The following USB1 variants were observed in gnomAD, a reference collection of about 807,000 sequenced individuals.
The protein encoded by USB1 is U6 snRNA biogenesis phosphodiesterase 1.
Under a neutral mutation model 29.9 loss-of-function variants are expected in USB1, and 21 were observed. That is an observed-to-expected ratio of 0.70 (90% CI 0.50 to 1.01). The LOEUF is 1.01. USB1 is among the 50% of genes least tolerant of loss of function. USB1 has a pLI of 0.00. For synonymous variants in USB1, 143 were observed against 134.9 expected, an observed-to-expected ratio of 1.06 and a Z score of -0.42; for missense variants, 330 against 347.1, an observed-to-expected ratio of 0.95 and a Z score of 0.39.
chr16:58,010,290 G>C (rs997970072), intron 3 of USB1, 178 bp downstream of exon 3: 2 of 708,836 alleles, frequency 2.8e-6, no homozygotes, highest in Non-Finnish European at 2.4e-6. Context: ...TGCCGTGGAA[G>C]CTCTTGACAC....
chr16:58,012,176 G>C lies in USB1; in HGVS notation c.449+2064G>C, dbSNP rs1963511458. On this transcript the variant is annotated intron_variant, in intron 3 of 6. Coordinates refer to ENST00000219281, the MANE Select transcript of USB1 (RefSeq NM_024598.4). ...GCTGAACCCCTTCTGAGGGCCAGAGGAGGACAGGATTTGTCCCAATCCAGA... is the reference window on the plus strand; with the variant it reads ...GCTGAACCCCTTCTGAGGGCCAGAGCAGGACAGGATTTGTCCCAATCCAGA... 2.8e-6 allele frequency: 4 copies of C among 1,452,794 alleles called. No individual in the cohort carries two copies. The East Asian group carries it at 1.0e-4, about 36-fold the overall frequency. The allele number at this position is 1,452,794 out of a possible 1,614,324, so 90.0% of individuals were successfully genotyped here.
chr16:58,012,170 C>T (rs1020398110), intron 3 of USB1: 1 of 1,446,782 alleles, frequency 6.9e-7, no homozygotes, highest in African/African-American at 1.4e-5. Context: ...CTTCTGAGGG[C>T]CAGAGGAGGA....
chr16:58,005,453 C>T (rs1231390280), intron 2 of USB1, among the ~76,000 whole-genome samples: 3 of 152,212 alleles, frequency 2.0e-5, no homozygotes, highest in South Asian at 4.1e-4. Context: ...TGGCCCTGTC[C>T]GGGCATGACA....
chr16:58,012,040 A>AAAACAGAAAT lies in USB1; in HGVS notation c.449+1935_449+1944dup, dbSNP rs797007846. On this transcript the variant is annotated intron_variant, in intron 3 of 6. Transcript: ENST00000219281. Reference sequence around the variant, plus strand: ...ACAAAAGCCTGATGTGTGGCTGTGTAAAACAGAAATAAACAGTCTTCTAGC... The same window carrying AAAACAGAAAT: ...ACAAAAGCCTGATGTGTGGCTGTGTAAAACAGAAATAAACAGAAATAAACAGTCTTCTAGC... The AAAACAGAAAT allele has an allele frequency of 2.3e-5, 29 of 1,244,496 alleles. No individual in the cohort carries two copies. In the African/African-American group the frequency reaches 3.5e-4, roughly 15 times the overall value. The allele number at this position is 1,244,496 out of a possible 1,614,324, so 77.1% of individuals were successfully genotyped here. A position where few individuals can be genotyped will look rare whatever the true frequency, so the allele number is the denominator to read the frequency against.
upstream of USB1, among the ~76,000 whole-genome samples, chr16:58,001,084 G>A (rs1380565827): frequency 6.6e-6 from 1 of 152,174 alleles, no homozygotes; most frequent in African/African-American, 2.4e-5. Flanking sequence ...CTCTGATCCT[G>A]GCCGGGCTCG....
At position 58,013,853 on chromosome 16, in the gene USB1, A is replaced by T. The variant is rs1963552698; in HGVS notation, c.450-420A>T. On this transcript the variant is annotated intron_variant, in intron 3 of 6. Transcript: ENST00000219281. This position sits in a 1 kb window ranked among gnomAD's most constrained non-coding sequence, Gnocchi z 4.3. The stretch of plus-strand genomic sequence containing the variant: ...AAAGGCTTGAGCTCAGCCCTGACAC[A>T]CGAAGAAATGTTGTCGTGATTGCTT... The T allele has an allele frequency of 4.5e-6, 1 of 220,376 alleles. No individual in the cohort carries two copies. The highest frequency in any genetic ancestry group is 5.3e-5 in the Admixed American group (1 of 19,012). 13.7% of individuals were successfully genotyped at this position (220,376 alleles called of 1,614,324 possible).
chr16:58,010,428 C>T (rs921192211), intron 3 of USB1, among the ~76,000 whole-genome samples: 2 of 152,204 alleles, frequency 1.3e-5, no homozygotes, highest in Admixed American at 6.5e-5. Flanking sequence ...ATCCAACTCT[C>T]CAGACACCCA....
upstream of USB1, among the ~76,000 whole-genome samples, chr16:58,000,092 A>G (rs1963128414): frequency 6.6e-6 from 1 of 151,988 alleles, no homozygotes; most frequent in African/African-American, 2.4e-5. The surrounding 1 kb of genome is among the most constrained non-coding windows in gnomAD (Gnocchi z 4.5). Context: ...ATGAAAGCCG[A>G]TCACCTCCCG....
Position 58,013,586 on chromosome 16 carries a change from G to A in USB1, c.450-687G>A, listed in dbSNP as rs575177441. Reference sequence around the variant, plus strand: ...TACCTAGCTGAGCCTGACTCTTCCCGTGTTATTGATCTGAGGGGTGGGTGG... The same window carrying A: ...TACCTAGCTGAGCCTGACTCTTCCCATGTTATTGATCTGAGGGGTGGGTGG... On this transcript the variant is annotated intron_variant, in intron 3 of 6. Coordinates refer to ENST00000219281, the MANE Select transcript of USB1 (RefSeq NM_024598.4). This position sits in a 1 kb window ranked among gnomAD's most constrained non-coding sequence, Gnocchi z 4.3. The A allele has an allele frequency of 3.0e-5, 25 of 840,204 alleles. No individual in the cohort carries two copies. In the East Asian group the frequency reaches 1.2e-3, roughly 39 times the overall value. The allele number at this position is 840,204 out of a possible 1,614,324, so 52.0% of individuals were successfully genotyped here.
At position 58,002,428 on chromosome 16, in the gene USB1, A is replaced by G. The variant is rs562589210; in HGVS notation, c.99-51A>G. The G allele has an allele frequency of 2.5e-5, 40 of 1,609,804 alleles. No homozygotes were observed. The East Asian group carries it at 8.2e-4, about 33-fold the overall frequency. On this transcript the variant is annotated intron_variant, in intron 1 of 6. Coordinates refer to ENST00000219281, the MANE Select transcript of USB1 (RefSeq NM_024598.4). The stretch of plus-strand genomic sequence containing the variant: ...CAACTTTTGTGGTATATACAAAGGT[A>G]GAGAATGCTAACAGGATAAATGTAC...
At chr16:58,018,860 G>A in intron 5 of USB1, 112 bp from the exon 6 acceptor site, 3 of 1,042,458 alleles carry the variant, frequency 2.9e-6, no homozygotes, top group South Asian at 2.7e-5. Context: ...CTCCCACTGG[G>A]CAGGCCAGGG....
At position 58,020,180 on chromosome 16, in the gene USB1, C is replaced by T. The variant is rs182418203; in HGVS notation, c.733C>T (p.Arg245Cys). Residue 245 changes from arginine to cysteine, a missense_variant, in exon 7 of 7, where the codon CGC becomes TGC. By Grantham distance (180) the Arg-to-Cys change is radical (BLOSUM62 -3). Coordinates refer to ENST00000219281, the MANE Select transcript of USB1 (RefSeq NM_024598.4). ...GTTTGAAGATGCTGAGGTGCTGCTG[C>T]GCGTGCACACTGAGCAAGTCCGCTG... ...DGFEDAEVLL[R>C]VHTEQVRCKS... 5.6e-6 allele frequency: 9 copies of T among 1,614,144 alleles called. No individual in the cohort carries two copies. The highest frequency in any genetic ancestry group is 2.2e-5 in the South Asian group (2 of 91,082).
rs899597775 is a variant in USB1, at chr16:58,017,187, C to G, written c.504-147C>G. On this transcript the variant is annotated intron_variant, in intron 4 of 6. Transcript: ENST00000219281. ...AATCTGAGGACTGAGAGAGTTGGCTCATGGAGCAGGAAAGCGAGTGTACCA... is the reference window on the plus strand; with the variant it reads ...AATCTGAGGACTGAGAGAGTTGGCTGATGGAGCAGGAAAGCGAGTGTACCA... The G allele has an allele frequency of 5.5e-6, 4 of 731,876 alleles. No individual in the cohort carries two copies. In the African/African-American group the frequency reaches 6.9e-5, roughly 13 times the overall value. The allele number at this position is 731,876 out of a possible 1,614,324, so 45.3% of individuals were successfully genotyped here. A position where few individuals can be genotyped will look rare whatever the true frequency, so the allele number is the denominator to read the frequency against.
chr16:58,019,038 T>A lies in USB1; in HGVS notation c.676T>A (p.Cys226Ser). The A allele has an allele frequency of 1.9e-6, 3 of 1,614,114 alleles. No homozygotes were observed. Among genetic ancestry groups the A allele is most frequent in the East Asian group, 2.2e-5 (1 of 44,866 alleles). Residue 226 changes from cysteine to serine, a missense_variant, in exon 6 of 7, where the codon TGC (cysteine) becomes AGC (serine). Transcript: ENST00000219281. Reference sequence around the variant, plus strand: ...TGCACGTCTCCAGCTGGAGGGGCAGTGCCTGCAGGAACTACAGGTGAATTT... The same window carrying A: ...TGCACGTCTCCAGCTGGAGGGGCAGAGCCTGCAGGAACTACAGGTGAATTT... ...GDARLQLEGQ[C>S]LQELQAIVDG...
chr16:58,011,544 C>A lies in USB1; in HGVS notation c.449+1432C>A, dbSNP rs576733215. On this transcript the variant is annotated intron_variant, in intron 3 of 6. Coordinates refer to ENST00000219281, the MANE Select transcript of USB1 (RefSeq NM_024598.4). ...AGAATCCCTCCGTCCAGAGATCAGT[C>A]GGTCCTGTGGTTGTTTCACAGGTGA... The A allele has an allele frequency of 3.0e-6, 3 of 1,001,236 alleles. No individual in the cohort carries two copies. In the African/African-American group the frequency reaches 5.2e-5, roughly 17 times the overall value. 62.0% of individuals were successfully genotyped at this position (1,001,236 alleles called of 1,614,324 possible). A position where few individuals can be genotyped will look rare whatever the true frequency, so the allele number is the denominator to read the frequency against.
chr16:58,013,781 T>A lies in USB1; in HGVS notation c.450-492T>A. On this transcript the variant is annotated intron_variant, in intron 3 of 6. Transcript: ENST00000219281. This position sits in a 1 kb window ranked among gnomAD's most constrained non-coding sequence, Gnocchi z 4.3. ...TTTGTCTGTAAAATGGGCATAATTGTAGGCCTGCTCACAGAGTTGTGTGAG... is the reference window on the plus strand; with the variant it reads ...TTTGTCTGTAAAATGGGCATAATTGAAGGCCTGCTCACAGAGTTGTGTGAG... 1 of 252,336 alleles carries A rather than the reference T, an allele frequency of 4.0e-6. No individual in the cohort carries two copies. The highest frequency in any genetic ancestry group is 6.5e-6 in the Non-Finnish European group (1 of 154,090). The allele number at this position is 252,336 out of a possible 1,614,324, so 15.6% of individuals were successfully genotyped here. A position where few individuals can be genotyped will look rare whatever the true frequency, so the allele number is the denominator to read the frequency against.
chr16:58,001,358 C>T, upstream of USB1: 2 of 1,128,752 alleles, frequency 1.8e-6, no homozygotes, highest in South Asian at 1.3e-5. Flanking sequence ...CCGCCCCTCC[C>T]GGCTCCGCCC....
rs1389119340 is a variant in USB1 at position 58,020,544 on chromosome 16, CCT to C, written c.*300_*301del. 1.4e-5 allele frequency: 5 copies of C among 360,174 alleles called. No homozygotes were observed. The highest frequency in any genetic ancestry group is 5.2e-5 in the East Asian group (1 of 19,114). 22.3% of individuals were successfully genotyped at this position (360,174 alleles called of 1,614,324 possible). A position where few individuals can be genotyped will look rare whatever the true frequency, so the allele number is the denominator to read the frequency against. ...CTCTTCCTCTTCTCTCTCTTCCCCT[CCT>C]GTCTCTCCTCCCCTCCTCTCTTCCT... On this transcript the variant is annotated 3_prime_UTR_variant, in exon 7 of 7. Coordinates refer to ENST00000219281, the MANE Select transcript of USB1 (RefSeq NM_024598.4).
At chr16:58,004,317 A>G (rs1378398851) in intron 2 of USB1, among the ~76,000 whole-genome samples, 3 of 152,212 alleles carry the variant, frequency 2.0e-5, no homozygotes, top group Non-Finnish European at 4.4e-5. Context: ...TTGTTCACCA[A>G]TACCATTGGT....
Sources: gnomAD v4.1 joint callset for allele counts (sites outside exome capture counted in the v4.1 genomes callset) on GRCh38, gnomAD v4.1.1 for gene constraint, Gnocchi (gnomAD v3.1) non-coding constraint, MANE v1.5 for transcripts, NCBI Gene and HGNC (gene_info 2026-07-23, HGNC 2026-07-21) for gene names.